CLTCL1: variants seen among roughly 807,000 people sequenced by gnomAD.
CLTCL1 encodes the protein clathrin heavy chain like 1, also known as clathrin heavy chain 2.
CLTCL1 carries 159 observed loss-of-function variants against 190.0 expected under a neutral mutation model. That is an observed-to-expected ratio of 0.84 (90% CI 0.74 to 0.95). The LOEUF (loss-of-function observed/expected upper bound fraction) is 0.95, where lower values mean the gene tolerates loss of function less well. Ranked by LOEUF, CLTCL1 falls within the 40% of genes least tolerant of loss-of-function variation. The probability of loss-of-function intolerance (pLI) is 0.00; values close to 1 mark genes in which losing one functional copy is unlikely to be tolerated. For synonymous variants in CLTCL1, 752 were observed against 769.6 expected, an observed-to-expected ratio of 0.98 and a Z score of 0.38; for missense variants, 1,878 against 2,033.4, an observed-to-expected ratio of 0.92 and a Z score of 1.47.
chr22:19,220,930 G>T (rs1002236345), intron 17 of CLTCL1, among the ~76,000 whole-genome samples: 1 of 152,166 alleles, frequency 6.6e-6, no homozygotes, highest in African/African-American at 2.4e-5. Context: ...GATGGGGAAG[G>T]GCTTGTGTAG....
intron 6 of CLTCL1, 92 bp from the exon 7 acceptor site, chr22:19,234,798 C>G (rs1453797128): frequency 8.6e-7 from 1 of 1,165,048 alleles, no homozygotes; most frequent in Non-Finnish European, 1.3e-6. Flanking sequence ...GAGTGGTAGC[C>G]ACATTCTCAG....
chr22:19,252,771 T>C (rs1172208080), intron 3 of CLTCL1, among the ~76,000 whole-genome samples: 1 of 152,078 alleles, frequency 6.6e-6, no homozygotes, highest in Non-Finnish European at 1.5e-5. Flanking sequence ...TCCCAGCACT[T>C]TGGGAGGCCA....
At chr22:19,236,570 T>C (rs1334051176) in intron 5 of CLTCL1, among the ~76,000 whole-genome samples, 1 of 152,142 alleles carries the variant, frequency 6.6e-6, no homozygotes, top group Non-Finnish European at 1.5e-5. Flanking sequence ...CAGACAGTAA[T>C]TTTTGAAGTA....
At chr22:19,221,770 A>G (rs1391140497) in intron 16 of CLTCL1, among the ~76,000 whole-genome samples, 159 bp from the exon 17 acceptor site, 2 of 152,132 alleles carry the variant, frequency 1.3e-5, no homozygotes, top group Non-Finnish European at 2.9e-5. Flanking sequence ...TTCCAAACTG[A>G]TTTCTACTGT....
Position 19,198,556 on chromosome 22 carries a change from C to T in CLTCL1, c.3873+1178G>A, listed in dbSNP as rs1258499601. On this transcript the variant is annotated intron_variant, in intron 24 of 32. Transcript: ENST00000427926. The surrounding 1 kb of genome is among the most constrained non-coding windows in gnomAD (Gnocchi z 4.1). ...AGCACACTTCTGCCTCAGGACTTTG[C>T]CTGGCCACTGACCCTTCCCTCAAAT... is the stretch of plus-strand genomic sequence containing the variant. Among the ~76,000 whole-genome samples the T allele has an allele frequency of 1.3e-5, 2 of 152,180 alleles. No individual in the cohort carries two copies. The highest frequency in any genetic ancestry group is 2.9e-5 in the Non-Finnish European group (2 of 68,034).
At chr22:19,252,156 C>T (rs1271131772) in intron 3 of CLTCL1, among the ~76,000 whole-genome samples, 1 of 152,192 alleles carries the variant, frequency 6.6e-6, no homozygotes, top group Non-Finnish European at 1.5e-5. Flanking sequence ...CCTGTATCTG[C>T]CTTTCAACTA....
At chr22:19,250,330 CTTTT>C (rs35580449) in intron 3 of CLTCL1, among the ~76,000 whole-genome samples, 1 of 125,944 alleles carries the variant, frequency 7.9e-6, no homozygotes, top group Non-Finnish European at 1.7e-5. Context: ...CTCATCTGTT[CTTTT>C]TTTTTTTTTT....
At position 19,191,065 on chromosome 22, in the gene CLTCL1, C is replaced by T. The variant is rs542536148; in HGVS notation, c.4323+239G>A. On this transcript the variant is annotated intron_variant, in intron 27 of 32. Transcript: ENST00000427926. ...TGCTGGGATTACAGGCGTGAGCCACCGCACCCGGCCACAAACGGCTAATCT... is the reference window on the plus strand; with the variant it reads ...TGCTGGGATTACAGGCGTGAGCCACTGCACCCGGCCACAAACGGCTAATCT... Among the ~76,000 whole-genome samples the T allele has an allele frequency of 2.0e-4, 30 of 152,208 alleles. 1 individual carries two copies. The highest frequency in any genetic ancestry group is 1.4e-3 in the East Asian group (7 of 5,184).
At chr22:19,189,783 A>C (rs1209369616) in intron 27 of CLTCL1, among the ~76,000 whole-genome samples, 3 of 152,182 alleles carry the variant, frequency 2.0e-5, no homozygotes, top group Non-Finnish European at 4.4e-5. Flanking sequence ...TTATTGATAC[A>C]TGATAGTTGT....
chr22:19,254,873 G>A (rs2086700243), intron 2 of CLTCL1, among the ~76,000 whole-genome samples: 1 of 152,008 alleles, frequency 6.6e-6, no homozygotes, highest in African/African-American at 2.4e-5. Flanking sequence ...TGTCCAATAG[G>A]GCAGTACAAT....
At chr22:19,267,169 T>C (rs1327874054) in intron 2 of CLTCL1, among the ~76,000 whole-genome samples, 2 of 152,142 alleles carry the variant, frequency 1.3e-5, no homozygotes, top group African/African-American at 4.8e-5. Flanking sequence ...TTTATTTCTA[T>C]ATACTAGCAA....
chr22:19,240,793 G>A (rs782673505), intron 4 of CLTCL1, among the ~76,000 whole-genome samples: 1 of 152,228 alleles, frequency 6.6e-6, no homozygotes, highest in Non-Finnish European at 1.5e-5. Context: ...GGGCTTGACT[G>A]CTATGGGTTC....
intron 1 of CLTCL1, among the ~76,000 whole-genome samples, chr22:19,283,711 G>A (rs1569261007): frequency 6.6e-6 from 1 of 151,890 alleles, no homozygotes; most frequent in African/African-American, 2.4e-5. Flanking sequence ...GACAATGGGG[G>A]CCAGACATGG....
chr22:19,217,373 T>C (rs1313463174), intron 18 of CLTCL1, among the ~76,000 whole-genome samples: 1 of 151,904 alleles, frequency 6.6e-6, no homozygotes, highest in Admixed American at 6.6e-5. Flanking sequence ...TCCCAGCACT[T>C]TGGGAGGCCA....
intron 24 of CLTCL1, among the ~76,000 whole-genome samples, chr22:19,197,902 G>A (rs781926796): frequency 7.9e-5 from 12 of 152,144 alleles, no homozygotes; most frequent in Non-Finnish European, 1.6e-4. Context: ...GGGACTGCAG[G>A]CAAACATAGA....
intron 1 of CLTCL1, among the ~76,000 whole-genome samples, chr22:19,280,818 CAA>C (rs35797654): frequency 9.1e-4 from 54 of 59,418 alleles, no homozygotes; most frequent in South Asian, 5.7e-3. Flanking sequence ...GACTCCATCT[CAA>C]AAAAAAAAAA....
rs1169618038 is a variant in CLTCL1 at position 19,187,964 on chromosome 22, C to G, written c.4434+17G>C. 1.9e-6 allele frequency: 3 copies of G among 1,610,376 alleles called. No homozygotes were observed. Among genetic ancestry groups the G allele is most frequent in the Non-Finnish European group, 1.7e-6 (2 of 1,176,776 alleles). ...AGCCCAGCCCACCCAGGACAGGGCT[C>G]CTTCCTGCACACCCACCTGATAGTC... On this transcript the variant is annotated intron_variant, in intron 28 of 32. Transcript: ENST00000427926.
At chr22:19,213,426 A>C (rs559235760) in intron 19 of CLTCL1, among the ~76,000 whole-genome samples, 1 of 152,224 alleles carries the variant, frequency 6.6e-6, no homozygotes, top group Non-Finnish European at 1.5e-5. Context: ...GCGGTTTCTT[A>C]AACAGTACAT....
Position 19,239,338 on chromosome 22 carries a change from T to C in CLTCL1, c.732A>G (p.Val244=), listed in dbSNP as rs1287272411. ...GQPAAGNQPF[V]KKAVDVFFPP... ...GAAAAAACACATCTACTGCTTTCTT[T>C]ACAAAAGGTTGGTTTCCCGCTGCAG... The change falls in exon 5 of 33, where the codon GTA becomes GTG. Residue 244 remains valine, a synonymous_variant. Coordinates refer to ENST00000427926, the MANE Select transcript of CLTCL1 (RefSeq NM_007098.4). 1 of 1,614,032 alleles carries C rather than the reference T, an allele frequency of 6.2e-7. No homozygotes were observed. The highest frequency in any genetic ancestry group is 1.3e-5 in the African/African-American group (1 of 75,050).
Sources: allele counts gnomAD v4.1 joint callset (sites outside exome capture counted in the v4.1 genomes callset), GRCh38; gene constraint gnomAD v4.1.1; non-coding constraint Gnocchi (gnomAD v3.1); transcripts MANE v1.5; gene names NCBI Gene and HGNC (gene_info 2026-07-23, HGNC 2026-07-21).